ECRG4: variants seen among roughly 807,000 people sequenced by gnomAD.
ECRG4 encodes augurin.
In ECRG4, 18 loss-of-function variants were observed where a neutral mutation model predicts 15.8. The ratio of observed to expected loss-of-function variants is 1.14; its 90% CI spans 0.79 to 1.69. The LOEUF (loss-of-function observed/expected upper bound fraction) is 1.69. Among genes scored for constraint, ECRG4 ranks in the 40% most tolerant of loss-of-function variants. The pLI is 0.00. For synonymous variants in ECRG4, 82 were observed against 73.9 expected (o/e 1.11, Z -0.56); for missense variants, 200 against 190.9 (o/e 1.05, Z -0.28).
chr2:106,063,778 C>T (rs1349236636), upstream of ECRG4, among the ~76,000 whole-genome samples: 1 of 152,134 alleles, frequency 6.6e-6, no homozygotes, highest in Admixed American at 6.5e-5. Flanking sequence ...GAGGGAGTTT[C>T]ACCATGTTGG....
chr2:106,067,905 G>A (rs1676258869), intron 1 of ECRG4, among the ~76,000 whole-genome samples: 1 of 151,008 alleles, frequency 6.6e-6, no homozygotes, highest in South Asian at 2.1e-4. Context: ...TGTGATCATA[G>A]CTCACTGCAG....
upstream of ECRG4, among the ~76,000 whole-genome samples, chr2:106,064,985 C>T (rs376715373): frequency 1.3e-5 from 2 of 152,112 alleles, no homozygotes; most frequent in East Asian, 3.9e-4. Flanking sequence ...GATTACAGAG[C>T]GGGCAAAGGG....
intron 1 of ECRG4, 98 bp from the exon 2 acceptor site, chr2:106,071,746 G>T: frequency 1.1e-6 from 1 of 930,350 alleles, no homozygotes; most frequent in Admixed American, 2.1e-5. Context: ...AATCAAGGCA[G>T]GGGCCCGCAG....
chr2:106,067,185 G>A (rs144142610), intron 1 of ECRG4, among the ~76,000 whole-genome samples: 5,023 of 151,054 alleles, frequency 0.033, 113 homozygotes, highest in African/African-American at 0.043. Flanking sequence ...CCAGCTACTC[G>A]GGAGGCTGAG....
chr2:106,067,238 G>T (rs1222972770), intron 1 of ECRG4, among the ~76,000 whole-genome samples: 1 of 151,956 alleles, frequency 6.6e-6, no homozygotes, highest in East Asian at 2.0e-4. Flanking sequence ...ATTGCGGCGA[G>T]CTGAGATCGT....
At position 106,065,810 on chromosome 2, in the gene ECRG4, C is replaced by T. The variant is rs1448799320; in HGVS notation, c.46C>T (p.Leu16=). 1 of 1,486,048 alleles carries T rather than the reference C, an allele frequency of 6.7e-7. No homozygotes were observed. Among genetic ancestry groups the T allele is most frequent in the Non-Finnish European group, 8.9e-7 (1 of 1,124,744 alleles). The allele number at this position is 1,486,048 out of a possible 1,614,324, so 92.1% of individuals were successfully genotyped here. A position where few individuals can be genotyped will look rare whatever the true frequency, so the allele number is the denominator to read the frequency against. Reference sequence around the variant, plus strand: ...GCCTGCTGTCCTGGCCCTGACCGGGCTGGCGCTGCTCCTGCTCCTGTGCTG... The same window carrying T: ...GCCTGCTGTCCTGGCCCTGACCGGGTTGGCGCTGCTCCTGCTCCTGTGCTG... ...ARPAVLALTG[L]ALLLLLCWGP... The change falls in exon 1 of 4, where the codon CTG becomes TTG. Residue 16 remains leucine (L), a synonymous_variant. Transcript: ENST00000238044.
intron 1 of ECRG4, among the ~76,000 whole-genome samples, chr2:106,068,673 A>T (rs1007805186): frequency 1.2e-4 from 18 of 152,252 alleles, no homozygotes; most frequent in African/African-American, 4.1e-4. Flanking sequence ...GAAGGCAAAC[A>T]GATGGAGGGG....
At chr2:106,071,376 T>G (rs6711266) in intron 1 of ECRG4, among the ~76,000 whole-genome samples, 110,370 of 137,816 alleles carry the variant, frequency 0.8, 43,838 homozygotes, top group Non-Finnish European at 0.86. Context: ...GAAAAGAAAA[T>G]AAAAAAAAAA....
At chr2:106,064,452 T>G (rs1573355379), upstream of ECRG4, 1 of 152,180 alleles carries the variant, frequency 6.6e-6, no homozygotes, top group Non-Finnish European at 1.5e-5. Flanking sequence ...CCGATGCGGG[T>G]GAATCATTTG....
At chr2:106,067,681 C>T (rs1676255147) in intron 1 of ECRG4, among the ~76,000 whole-genome samples, 1 of 151,934 alleles carries the variant, frequency 6.6e-6, no homozygotes, top group African/African-American at 2.4e-5. Flanking sequence ...TGGGGTTTCT[C>T]CATGTTGGTC....
intron 1 of ECRG4, among the ~76,000 whole-genome samples, chr2:106,069,295 TTCC>T (rs1417664894): frequency 6.8e-6 from 1 of 147,832 alleles, no homozygotes; most frequent in East Asian, 2.0e-4. Context: ...CTTTCTTTCT[TTCC>T]TTCCTTCCTT....
chr2:106,065,652 C>A (rs898382979), upstream of ECRG4: 9 of 761,298 alleles, frequency 1.2e-5, no homozygotes, highest in African/African-American at 1.3e-4. Context: ...CCGGCAGCGA[C>A]GCAGGGATAA....
At chr2:106,077,636 A>G in intron 3 of ECRG4, 129 bp from the exon 4 acceptor site, 1 of 778,854 alleles carries the variant, frequency 1.3e-6, no homozygotes, top group Middle Eastern at 3.7e-4. Context: ...ATACGGTAAC[A>G]GGGAGTTACT....
At chr2:106,070,478 T>C (rs1676337760) in intron 1 of ECRG4, among the ~76,000 whole-genome samples, 2 of 152,182 alleles carry the variant, frequency 1.3e-5, no homozygotes, top group African/African-American at 4.8e-5. Flanking sequence ...CTGAGAGGCA[T>C]TCAAATTCAA....
chr2:106,067,813 G>T (rs1167823701), intron 1 of ECRG4, among the ~76,000 whole-genome samples: 1 of 151,492 alleles, frequency 6.6e-6, no homozygotes, highest in Non-Finnish European at 1.5e-5. Context: ...AATCCCAAAG[G>T]TGACTCTTTA....
chr2:106,070,812 A>G, intron 1 of ECRG4: 1 of 422,244 alleles, frequency 2.4e-6, no homozygotes. Context: ...CTGTCCATGG[A>G]AGGAGAGGCT....
At chr2:106,067,595 G>A (rs369398973) in intron 1 of ECRG4, among the ~76,000 whole-genome samples, 4 of 151,752 alleles carry the variant, frequency 2.6e-5, no homozygotes, top group East Asian at 3.9e-4. Context: ...TCAGCCTCCC[G>A]AGTAGCTGGA....
chr2:106,075,497 GGATCACCT>G (rs1676466321), intron 3 of ECRG4, among the ~76,000 whole-genome samples: 2 of 152,312 alleles, frequency 1.3e-5, no homozygotes, highest in African/African-American at 4.8e-5. Context: ...CAAGGCAGGT[GGATCACCT>G]GAGGTCAGGA....
upstream of ECRG4, chr2:106,065,558 A>G: frequency 2.6e-6 from 1 of 388,524 alleles, no homozygotes. Context: ...GGGAGAGAGG[A>G]CCTCGGTGGT....
Sources: gnomAD v4.1 joint callset for allele counts (sites outside exome capture counted in the v4.1 genomes callset) on GRCh38, gnomAD v4.1.1 for gene constraint, MANE v1.5 for transcripts, NCBI Gene and HGNC (gene_info 2026-07-23, HGNC 2026-07-21) for gene names.